CHKA: variants seen among roughly 807,000 people sequenced by gnomAD.
CHKA encodes choline kinase alpha, also known as CHETK-alpha.
A neutral mutation model predicts 60.1 loss-of-function variants in CHKA; 34 were observed. The ratio of observed to expected loss-of-function variants is 0.57; its 90% CI spans 0.43 to 0.75. The LOEUF (loss-of-function observed/expected upper bound fraction) is 0.75, where lower values mean the gene tolerates loss of function less well. Ranked by LOEUF, CHKA falls within the 30% of genes least tolerant of loss-of-function variation. The pLI, the probability that CHKA is intolerant of heterozygous loss-of-function variation, is 0.00. For missense variants in CHKA, 563 were observed against 561.3 expected (o/e 1.00, Z -0.03); for synonymous variants, 217 against 223.1 (o/e 0.97, Z 0.24).
At chr11:68,077,770 A>G (rs1856841365) in intron 3 of CHKA, among the ~76,000 whole-genome samples, 1 of 152,124 alleles carries the variant, frequency 6.6e-6, no homozygotes, top group South Asian at 2.1e-4. Flanking sequence ...AACAAGGGTG[A>G]CTGGTGTGGT....
chr11:68,081,764 T>TC, intron 2 of CHKA: 1 of 239,518 alleles, frequency 4.2e-6, no homozygotes, highest in East Asian at 9.2e-5. Flanking sequence ...GTCAATAGAG[T>TC]GCACTCTTCC....
intron 4 of CHKA, among the ~76,000 whole-genome samples, chr11:68,072,449 A>G (rs1330844468): frequency 6.8e-6 from 1 of 147,002 alleles, no homozygotes; most frequent in Admixed American, 6.8e-5. Context: ...CGGGAGGCTG[A>G]GGTGAGAGGA....
chr11:68,116,934 G>A (rs1483288233), intron 1 of CHKA, among the ~76,000 whole-genome samples: 1 of 152,120 alleles, frequency 6.6e-6, no homozygotes, highest in Non-Finnish European at 1.5e-5. Flanking sequence ...TCATCACACA[G>A]CAAAGAGGCC....
intron 1 of CHKA, among the ~76,000 whole-genome samples, chr11:68,109,144 C>T (rs999477308): frequency 7.1e-6 from 1 of 141,070 alleles, no homozygotes; most frequent in African/African-American, 2.7e-5. Flanking sequence ...GGCAGGAGTG[C>T]AGTGGCGCGA....
At chr11:68,119,958 G>A (rs563886296) in intron 1 of CHKA, among the ~76,000 whole-genome samples, 3 of 152,262 alleles carry the variant, frequency 2.0e-5, no homozygotes, top group Non-Finnish European at 4.4e-5. Context: ...GCCGAGCGCG[G>A]TGGCTCATGC....
chr11:68,066,528 T>G lies in CHKA; in HGVS notation c.929-12A>C. On this transcript the variant is annotated splice_polypyrimidine_tract_variant and intron_variant, in intron 7 of 11. Coordinates refer to ENST00000265689, the MANE Select transcript of CHKA (RefSeq NM_001277.3). ...CAACAAGATATTACCTGCAAAAGGT[T>G]TGGATAACATGGTTTATGTTTTACA... 1 of 1,604,660 alleles carries G rather than the reference T, an allele frequency of 6.2e-7. No individual in the cohort carries two copies. The highest frequency in any genetic ancestry group is 8.5e-7 in the Non-Finnish European group (1 of 1,171,426).
chr11:68,088,352 T>A (rs1227788939), intron 2 of CHKA, among the ~76,000 whole-genome samples: 2 of 152,018 alleles, frequency 1.3e-5, no homozygotes. Flanking sequence ...GGTCTTGGAG[T>A]GGCATGAACT....
intron 1 of CHKA, among the ~76,000 whole-genome samples, chr11:68,117,918 TGA>T (rs1481880229): frequency 1.3e-5 from 2 of 152,156 alleles, no homozygotes. Context: ...TCATCAGGTT[TGA>T]GTTACAACTG....
At chr11:68,096,404 A>G (rs1857517396) in intron 2 of CHKA, among the ~76,000 whole-genome samples, 1 of 152,192 alleles carries the variant, frequency 6.6e-6, no homozygotes, top group South Asian at 2.1e-4. Flanking sequence ...GTGCTCAATG[A>G]AATAGTAAAT....
intron 1 of CHKA, among the ~76,000 whole-genome samples, chr11:68,114,722 A>C (rs548097357): frequency 2.6e-5 from 4 of 152,116 alleles, no homozygotes; most frequent in Admixed American, 6.6e-5. Context: ...AAGAAGAAGA[A>C]AAGACAAGAC....
intron 2 of CHKA, among the ~76,000 whole-genome samples, chr11:68,086,858 C>T (rs1195250682): frequency 1.3e-5 from 2 of 152,080 alleles, no homozygotes; most frequent in Non-Finnish European, 2.9e-5. Context: ...CGGTGGCGGG[C>T]GCCTGTTGTC....
intron 3 of CHKA, among the ~76,000 whole-genome samples, chr11:68,076,713 G>A (rs773721307): frequency 6.6e-6 from 1 of 152,064 alleles, no homozygotes. Flanking sequence ...TTTACGTGTG[G>A]CATCGTCAAC....
chr11:68,111,972 G>C (rs1250170318), intron 1 of CHKA, among the ~76,000 whole-genome samples: 2 of 140,164 alleles, frequency 1.4e-5, no homozygotes, highest in East Asian at 4.6e-4. Context: ...AGAATCGCTT[G>C]AACCTGGGAG....
intron 1 of CHKA, among the ~76,000 whole-genome samples, chr11:68,100,690 G>GCA (rs145597831): frequency 1.0e-4 from 15 of 149,810 alleles, no homozygotes; most frequent in Non-Finnish European, 1.9e-4. Flanking sequence ...ATATATATAT[G>GCA]CACACACACA....
At chr11:68,069,766 A>G (rs890336247) in intron 6 of CHKA, among the ~76,000 whole-genome samples, 3 of 152,140 alleles carry the variant, frequency 2.0e-5, no homozygotes, top group African/African-American at 7.2e-5. Context: ...GAGGACAATG[A>G]CGGCCTTGCT....
At chr11:68,070,902 C>T in intron 4 of CHKA, 45 bp from the exon 5 acceptor site, 1 of 1,581,882 alleles carries the variant, frequency 6.3e-7, no homozygotes, top group East Asian at 2.3e-5. Flanking sequence ...ACCAAGTAAA[C>T]TAAAAAGAGT....
chr11:68,066,509 G>T lies in CHKA; in HGVS notation c.936C>A (p.Ile312=), dbSNP rs1856449968. The T allele has an allele frequency of 1.9e-6, 3 of 1,613,570 alleles. No homozygotes were observed. The highest frequency in any genetic ancestry group is 1.7e-5 in the Admixed American group (1 of 59,996). The part of the protein sequence containing the change: ...FCHNDCQEGN[I]LLLEGRENSE... Reference sequence around the variant, plus strand: ...AATTCTCTCGGCCTTCCAGCAACAAGATATTACCTGCAAAAGGTTTGGATA... The same window carrying T: ...AATTCTCTCGGCCTTCCAGCAACAATATATTACCTGCAAAAGGTTTGGATA... The change falls in exon 8 of 12, where the codon ATC becomes ATA. Residue 312 remains isoleucine, a synonymous_variant. Coordinates refer to ENST00000265689, the MANE Select transcript of CHKA (RefSeq NM_001277.3).
At chr11:68,120,033 A>T (rs1458372500) in intron 1 of CHKA, among the ~76,000 whole-genome samples, 1 of 152,112 alleles carries the variant, frequency 6.6e-6, no homozygotes, top group African/African-American at 2.4e-5. Context: ...GTTCAAGATC[A>T]GCCTAACGAA....
intron 1 of CHKA, among the ~76,000 whole-genome samples, chr11:68,120,334 G>A (rs190216551): frequency 6.6e-6 from 1 of 152,164 alleles, no homozygotes; most frequent in Admixed American, 6.5e-5. Context: ...TCTCTTAGGG[G>A]ATGAGAAAAT....
Sources: allele counts gnomAD v4.1 joint callset (sites outside exome capture counted in the v4.1 genomes callset), GRCh38; gene constraint gnomAD v4.1.1; transcripts MANE v1.5; gene names NCBI Gene and HGNC (gene_info 2026-07-23, HGNC 2026-07-21).